The following NELL1 variants were observed in gnomAD, a reference collection of about 807,000 sequenced individuals.
NELL1 encodes neural EGFL like 1.
Under a neutral mutation model 107.4 loss-of-function variants are expected in NELL1, and 76 were observed. That is an observed-to-expected ratio of 0.71 (90% CI 0.59 to 0.86). NELL1 has a LOEUF of 0.86. Among genes scored for constraint, NELL1 ranks in the 40% least tolerant of loss-of-function variants. The pLI is 0.00. For synonymous variants in NELL1, 353 were observed against 341.2 expected (o/e 1.03, Z -0.38); for missense variants, 1,024 against 1,005.5 (o/e 1.02, Z -0.25).
chr11:21,136,283 G>C (rs540569594), intron 13 of NELL1, among the ~76,000 whole-genome samples: 1 of 152,186 alleles, frequency 6.6e-6, no homozygotes, highest in African/African-American at 2.4e-5. Flanking sequence ...AGCCATGCCT[G>C]TTGTGAGGGG....
At chr11:21,219,879 G>A (rs1426980918) in intron 13 of NELL1, among the ~76,000 whole-genome samples, 1 of 152,072 alleles carries the variant, frequency 6.6e-6, no homozygotes, top group Admixed American at 6.6e-5. Flanking sequence ...AGTTCTGCAG[G>A]CTGTACAGGA....
intron 14 of NELL1, among the ~76,000 whole-genome samples, chr11:21,266,722 C>A (rs978999490): frequency 1.3e-5 from 2 of 151,986 alleles, no homozygotes; most frequent in African/African-American, 2.4e-5. Context: ...CTAGCCTAGT[C>A]CTCTTGATCT....
At chr11:20,827,752 C>G (rs1334418797) in intron 3 of NELL1, among the ~76,000 whole-genome samples, 1 of 151,166 alleles carries the variant, frequency 6.6e-6, no homozygotes, top group Non-Finnish European at 1.5e-5. Context: ...TAGCTCTGTG[C>G]CAAGAAGAAA....
At chr11:21,093,015 C>A (rs1854555972) in intron 12 of NELL1, among the ~76,000 whole-genome samples, 2 of 152,144 alleles carry the variant, frequency 1.3e-5, no homozygotes, top group East Asian at 3.9e-4. Flanking sequence ...TTTCTGTGAG[C>A]AACAGGAACA....
intron 5 of NELL1, among the ~76,000 whole-genome samples, chr11:20,897,351 G>A (rs1226413858): frequency 6.6e-6 from 1 of 152,152 alleles, no homozygotes; most frequent in Non-Finnish European, 1.5e-5. Flanking sequence ...GGGAAAACTG[G>A]CTAGCCATAT....
At chr11:21,450,784 A>G (rs2133857383) in intron 15 of NELL1, among the ~76,000 whole-genome samples, 1 of 152,254 alleles carries the variant, frequency 6.6e-6, no homozygotes, top group South Asian at 2.1e-4. Context: ...TATTTTGAAT[A>G]GTCCCTTTCT....
At chr11:20,803,560 C>G (rs1857321686) in intron 3 of NELL1, among the ~76,000 whole-genome samples, 1 of 152,040 alleles carries the variant, frequency 6.6e-6, no homozygotes, top group African/African-American at 2.4e-5. Context: ...CTGCTCTGAC[C>G]TTTATTATTT....
chr11:21,123,166 A>G (rs1286208111), intron 13 of NELL1, among the ~76,000 whole-genome samples: 2 of 152,208 alleles, frequency 1.3e-5, no homozygotes, highest in African/African-American at 2.4e-5. Flanking sequence ...TGTCTCATTA[A>G]CAAAAATAGT....
chr11:20,784,562 G>C (rs1020674031), intron 3 of NELL1, among the ~76,000 whole-genome samples: 4 of 152,144 alleles, frequency 2.6e-5, no homozygotes, highest in African/African-American at 9.7e-5. Context: ...TGGTATTATA[G>C]AGGTAGGTAG....
chr11:21,408,725 G>C (rs1852293810), intron 15 of NELL1, among the ~76,000 whole-genome samples: 1 of 151,988 alleles, frequency 6.6e-6, no homozygotes, highest in African/African-American at 2.4e-5. Flanking sequence ...TGGTGTTTTA[G>C]ACATGAAGTC....
chr11:21,473,606 A>T (rs1180473532), intron 15 of NELL1, among the ~76,000 whole-genome samples: 2 of 152,082 alleles, frequency 1.3e-5, no homozygotes, highest in Admixed American at 1.3e-4. Context: ...CAGAACAGAG[A>T]TAACTGTCCC....
chr11:21,332,352 A>AT (rs1460887827), intron 14 of NELL1, among the ~76,000 whole-genome samples: 1 of 151,568 alleles, frequency 6.6e-6, no homozygotes, highest in Non-Finnish European at 1.5e-5. Context: ...AACTCTAATC[A>AT]TTGTCTCCTG....
intron 3 of NELL1, among the ~76,000 whole-genome samples, chr11:20,840,883 GT>G (rs980930433): frequency 1.3e-5 from 2 of 152,230 alleles, no homozygotes; most frequent in Non-Finnish European, 2.9e-5. Context: ...ATTAAGCCAT[GT>G]AATTCAGGTT....
At chr11:20,803,947 C>T (rs1019337411) in intron 3 of NELL1, among the ~76,000 whole-genome samples, 1 of 152,142 alleles carries the variant, frequency 6.6e-6, no homozygotes, top group African/African-American at 2.4e-5. Context: ...TTCCTGCCCT[C>T]GAACATCGGA....
At chr11:21,374,372 C>G (rs2133757941) in intron 15 of NELL1, among the ~76,000 whole-genome samples, 1 of 152,096 alleles carries the variant, frequency 6.6e-6, no homozygotes, top group South Asian at 2.1e-4. Flanking sequence ...TGGCGATTGG[C>G]AGGAGGCCTC....
At chr11:21,249,939 T>TGG (rs748796496) in intron 14 of NELL1, among the ~76,000 whole-genome samples, 1 of 152,248 alleles carries the variant, frequency 6.6e-6, no homozygotes, top group Non-Finnish European at 1.5e-5. Context: ...CCATTGGTGA[T>TGG]GTTTTTTAAA....
At chr11:21,399,990 T>A (rs941547597) in intron 15 of NELL1, among the ~76,000 whole-genome samples, 1 of 151,828 alleles carries the variant, frequency 6.6e-6, no homozygotes, top group Non-Finnish European at 1.5e-5. Context: ...GATCTATAGA[T>A]GGGATGTGTA....
At chr11:20,710,977 C>CT (rs1855098917) in intron 2 of NELL1, among the ~76,000 whole-genome samples, 1 of 151,732 alleles carries the variant, frequency 6.6e-6, no homozygotes, top group African/African-American at 2.4e-5. Flanking sequence ...AAAGAATCAG[C>CT]TTTTTGTTTT....
In NELL1 at chr11:20,847,664, A is replaced by G; in HGVS notation, c.417A>G (p.Ala139=). Residue 139 remains alanine (A), a synonymous_variant, in exon 4 of 20, where the codon GCA becomes GCG. Transcript: ENST00000357134. The stretch of plus-strand genomic sequence containing the variant: ...ACAATGGGAAGCCAAGGACAGAGGC[A>G]CTTCCTTACCGCATGGCAGATGGAC... The part of the protein sequence containing the change: ...YIHNGKPRTE[A]LPYRMADGQW... 7 of 1,613,844 alleles carry G rather than the reference A, an allele frequency of 4.3e-6. No homozygotes were observed. Among genetic ancestry groups the G allele is most frequent in the Non-Finnish European group, 5.9e-6 (7 of 1,179,836 alleles).
Sources: gnomAD v4.1 joint callset for allele counts (sites outside exome capture counted in the v4.1 genomes callset) on GRCh38, gnomAD v4.1.1 for gene constraint, MANE v1.5 for transcripts, NCBI Gene and HGNC (gene_info 2026-07-23, HGNC 2026-07-21) for gene names.